The following LRP1 variants were observed in gnomAD, a reference collection of about 807,000 sequenced individuals.
LRP1 encodes the protein prolow-density lipoprotein receptor-related protein 1.
LRP1 carries 51 observed loss-of-function variants against 541.5 expected under a neutral mutation model. The ratio of observed to expected loss-of-function variants is 0.09; its 90% CI spans 0.08 to 0.12. The LOEUF is 0.12. Among genes scored for constraint, LRP1 ranks in the 10% least tolerant of loss-of-function variants. The probability of loss-of-function intolerance (pLI) is 1.00; values close to 1 mark genes in which losing one functional copy is unlikely to be tolerated. For missense variants in LRP1, 3,878 were observed against 6,376.2 expected (o/e 0.61, Z 13.34); for synonymous variants, 2,219 against 2,470.8 (o/e 0.90, Z 3.02).
chr12:57,164,000 G>A (rs1389249821), intron 15 of LRP1, among the ~76,000 whole-genome samples: 2 of 152,010 alleles, frequency 1.3e-5, no homozygotes, highest in Non-Finnish European at 2.9e-5. Flanking sequence ...GTGAAACCCC[G>A]TTTCTACTAA....
chr12:57,150,018 A>G, intron 6 of LRP1: 1 of 476,292 alleles, frequency 2.1e-6, no homozygotes, highest in East Asian at 3.6e-5. Flanking sequence ...CTCTAGAACA[A>G]CAGACTCAGT....
At chr12:57,208,477 G>T in intron 77 of LRP1, 1 of 593,614 alleles carries the variant, frequency 1.7e-6, no homozygotes, top group Non-Finnish European at 3.0e-6. Context: ...ACTCTGCCCT[G>T]GGGAACAGCT....
intron 22 of LRP1, among the ~76,000 whole-genome samples, chr12:57,175,244 T>C (rs975340857): frequency 3.3e-5 from 5 of 152,096 alleles, no homozygotes; most frequent in African/African-American, 1.2e-4. Flanking sequence ...TGCCAGCTGG[T>C]GGGTGCAAGG....
In LRP1 at chr12:57,203,230, C is replaced by T. The variant is rs760940848; in HGVS notation, c.10761C>T (p.Cys3587=). 5 of 1,611,070 alleles carry T rather than the reference C, an allele frequency of 3.1e-6. No individual in the cohort carries two copies. Among genetic ancestry groups the T allele is most frequent in the Non-Finnish European group, 4.2e-6 (5 of 1,178,712 alleles). ...AGTTCTCCTGTGCCAACGGCCGCTGCATCGCGGGGCGCTGGAAATGCGATG... is the reference window on the plus strand; with the variant it reads ...AGTTCTCCTGTGCCAACGGCCGCTGTATCGCGGGGCGCTGGAAATGCGATG... ...ESEFSCANGR[C]IAGRWKCDGD... The change falls in exon 69 of 89, where the codon TGC becomes TGT. Residue 3587 remains cysteine (C), a synonymous_variant. Coordinates refer to ENST00000243077, the MANE Select transcript of LRP1 (RefSeq NM_002332.3).
Position 57,197,523 on chromosome 12 carries a change from G to A in LRP1, c.9163-22G>A, listed in dbSNP as rs1234735181. ...CCTGTTGCCACAACCGACTTCTGCT[G>A]TCCTTCACTCCCCAAATCCAGGGCC... On this transcript the variant is annotated intron_variant, in intron 57 of 88. Coordinates refer to ENST00000243077, the MANE Select transcript of LRP1 (RefSeq NM_002332.3). The surrounding 1 kb of genome is among the most constrained non-coding windows in gnomAD (Gnocchi z 4.5). 1 of 1,613,994 alleles carries A rather than the reference G, an allele frequency of 6.2e-7. No homozygotes were observed. The highest frequency in any genetic ancestry group is 2.2e-5 in the East Asian group (1 of 44,870).
chr12:57,186,323 G>A (rs1331587552), intron 41 of LRP1, among the ~76,000 whole-genome samples: 2 of 152,240 alleles, frequency 1.3e-5, no homozygotes, highest in African/African-American at 2.4e-5. Context: ...GCGCAGGAAG[G>A]CTTAGCTCAG....
At position 57,202,201 on chromosome 12, in the gene LRP1, C is replaced by T. The variant is rs7978567; in HGVS notation, c.10595-220C>T. On this transcript the variant is annotated intron_variant, in intron 67 of 88. Coordinates refer to ENST00000243077, the MANE Select transcript of LRP1 (RefSeq NM_002332.3). ...CCCTATGGGATCTGTTCATCTCCTT[C>T]CCAAGGCAGCTGCCCACACACACAC... Among the ~76,000 whole-genome samples the T allele has an allele frequency of 0.39, 58,720 of 151,740 alleles. 11,971 individuals carry two copies. The highest frequency in any genetic ancestry group is 0.52 in the African/African-American group (21,326 of 41,312).
At position 57,177,950 on chromosome 12, in the gene LRP1, T is replaced by C. The variant is rs1476606899; in HGVS notation, c.4361+359T>C. Among the ~76,000 whole-genome samples the C allele has an allele frequency of 6.8e-6, 1 of 146,482 alleles. No homozygotes were observed. On this transcript the variant is annotated intron_variant, in intron 26 of 88. Coordinates refer to ENST00000243077, the MANE Select transcript of LRP1 (RefSeq NM_002332.3). This position sits in a 1 kb window ranked among gnomAD's most constrained non-coding sequence, Gnocchi z 6.8. ...AGGGAGGGTGCCTTTTTCTTTTCTT[T>C]TTTTTTTTTTTTTTTTGAGACAGAG...
Position 57,199,493 on chromosome 12 carries a change from G to A in LRP1, c.9865+93G>A, listed in dbSNP as rs74429938. On this transcript the variant is annotated intron_variant, in intron 61 of 88. Coordinates refer to ENST00000243077, the MANE Select transcript of LRP1 (RefSeq NM_002332.3). ...TCATCCCTTCTCTAGCATTGACCAAGCCCTCCTGGCCAGACACTGGGAGAC... is the reference window on the plus strand; with the variant it reads ...TCATCCCTTCTCTAGCATTGACCAAACCCTCCTGGCCAGACACTGGGAGAC... 5.1e-4 allele frequency: 698 copies of A among 1,362,632 alleles called. 13 individuals are homozygous for A. In the East Asian group the frequency reaches 0.016, roughly 32 times the overall value. The allele number at this position is 1,362,632 out of a possible 1,614,324, so 84.4% of individuals were successfully genotyped here.
chr12:57,152,165 C>T (rs1469587834), intron 6 of LRP1, among the ~76,000 whole-genome samples: 4 of 152,090 alleles, frequency 2.6e-5, no homozygotes, highest in Admixed American at 2.0e-4. Flanking sequence ...CCTGGGATAG[C>T]GGCATCAGAT....
chr12:57,159,985 T>A lies in LRP1; in HGVS notation c.1959T>A (p.Ile653=), dbSNP rs772701962. The change falls in exon 12 of 89, where the codon ATT becomes ATA. Residue 653 remains isoleucine (I), a synonymous_variant. Transcript: ENST00000243077. ...GCAAAATGACACACCCCAGGGCTAT[T>A]GTGGTGGATCCACTCAATGGGTGAG... ...IEGKMTHPRA[I]VVDPLNGWMY... is the part of the protein sequence containing the mutation. 1.2e-5 allele frequency: 20 copies of A among 1,614,104 alleles called. No homozygotes were observed. Among genetic ancestry groups the A allele is most frequent in the Non-Finnish European group, 1.6e-5 (19 of 1,180,008 alleles).
rs781520320 is a variant in LRP1, at chr12:57,177,641, G to A, written c.4361+50G>A. Reference sequence around the variant, plus strand: ...AGGCCCAAGTCTGTGGCACCAGGACGGGGTGGGGAGGAACCTGTGGTGATG... The same window carrying A: ...AGGCCCAAGTCTGTGGCACCAGGACAGGGTGGGGAGGAACCTGTGGTGATG... On this transcript the variant is annotated intron_variant, in intron 26 of 88. Transcript: ENST00000243077. The surrounding 1 kb of genome is among the most constrained non-coding windows in gnomAD (Gnocchi z 6.8). 7.5e-6 allele frequency: 12 copies of A among 1,595,074 alleles called. No individual in the cohort carries two copies. The Admixed American group carries it at 1.0e-4, about 14-fold the overall frequency.
In LRP1 at chr12:57,178,011, C is replaced by T. The variant is rs1020277714; in HGVS notation, c.4362-348C>T. ...TCGCCCAGGCTGGAGTGCAGTGGCG[C>T]GATCTCGGCTCACTGCAGGCTCCGC... On this transcript the variant is annotated intron_variant, in intron 26 of 88. Transcript: ENST00000243077. The surrounding 1 kb of genome is among the most constrained non-coding windows in gnomAD (Gnocchi z 5.8). Among the ~76,000 whole-genome samples the T allele has an allele frequency of 6.7e-6, 1 of 148,922 alleles. No homozygotes were observed. The highest frequency in any genetic ancestry group is 2.5e-5 in the African/African-American group (1 of 40,018).
Position 57,184,294 on chromosome 12 carries a change from G to T in LRP1, c.6060-32G>T. On this transcript the variant is annotated intron_variant, in intron 37 of 88. Transcript: ENST00000243077. The surrounding 1 kb of genome is among the most constrained non-coding windows in gnomAD (Gnocchi z 7.8). ...GGCCCTGTCTCCTCCAGGGTCTGAG[G>T]ACTGACCCCCACTTCCACCCCCACC... The T allele has an allele frequency of 6.2e-7, 1 of 1,614,128 alleles. No homozygotes were observed. The highest frequency in any genetic ancestry group is 8.5e-7 in the Non-Finnish European group (1 of 1,180,006).
At chr12:57,175,430 G>A in intron 22 of LRP1, 30 bp from the exon 23 acceptor site, 1 of 1,610,016 alleles carries the variant, frequency 6.2e-7, no homozygotes, top group Non-Finnish European at 8.5e-7. Flanking sequence ...TTCTGACCCT[G>A]GGTCTGTTCC....
chr12:57,183,696 C>A lies in LRP1; in HGVS notation c.5795-79C>A. On this transcript the variant is annotated intron_variant, in intron 35 of 88. Transcript: ENST00000243077. The surrounding 1 kb of genome is among the most constrained non-coding windows in gnomAD (Gnocchi z 6.1). Reference sequence around the variant, plus strand: ...CCCTCCGGCACTCTCTCACCTCTGTCTTGAGCCTTGTGAGATTTTGACCCC... The same window carrying A: ...CCCTCCGGCACTCTCTCACCTCTGTATTGAGCCTTGTGAGATTTTGACCCC... 6.3e-7 allele frequency: 1 copy of A among 1,585,134 alleles called. No individual in the cohort carries two copies. The highest frequency in any genetic ancestry group is 1.1e-5 in the South Asian group (1 of 88,046).
rs2036766115 is a variant in LRP1 at position 57,205,810 on chromosome 12, A to G, written c.11590+133A>G. ...CAAGAAGCCCCAGACTCATAGTTGCAGCTGCCTGAGCACAGTGCTGGCCCA... is the reference window on the plus strand; with the variant it reads ...CAAGAAGCCCCAGACTCATAGTTGCGGCTGCCTGAGCACAGTGCTGGCCCA... On this transcript the variant is annotated intron_variant, in intron 75 of 88. Transcript: ENST00000243077. This position sits in a 1 kb window ranked among gnomAD's most constrained non-coding sequence, Gnocchi z 4.6. The G allele has an allele frequency of 1.5e-6, 2 of 1,337,750 alleles. No homozygotes were observed. The highest frequency in any genetic ancestry group is 1.5e-5 in the African/African-American group (1 of 68,954). 82.9% of individuals were successfully genotyped at this position (1,337,750 alleles called of 1,614,324 possible). A position where few individuals can be genotyped will look rare whatever the true frequency, so the allele number is the denominator to read the frequency against.
At position 57,177,511 on chromosome 12, in the gene LRP1, C is replaced by T. The variant is rs778958002; in HGVS notation, c.4281C>T (p.His1427=). 1 of 1,613,862 alleles carries T rather than the reference C, an allele frequency of 6.2e-7. No individual in the cohort carries two copies. Among genetic ancestry groups the T allele is most frequent in the East Asian group, 2.2e-5 (1 of 44,892 alleles). Residue 1427 remains histidine, a synonymous_variant, in exon 26 of 89, where the codon CAC becomes CAT. Coordinates refer to ENST00000243077, the MANE Select transcript of LRP1 (RefSeq NM_002332.3). This position sits in a 1 kb window ranked among gnomAD's most constrained non-coding sequence, Gnocchi z 6.8. Reference sequence around the variant, plus strand: ...GTGGGGCTGGGCGCCGCACCGTGCACCGGGAGACCGGCTCTGGGGGCTGGC... The same window carrying T: ...GTGGGGCTGGGCGCCGCACCGTGCATCGGGAGACCGGCTCTGGGGGCTGGC... The part of the protein sequence containing the change: ...SMSGAGRRTV[H]RETGSGGWPN...
chr12:57,207,581 G>T lies in LRP1; in HGVS notation c.11860-457G>T, dbSNP rs79613418. On this transcript the variant is annotated intron_variant, in intron 76 of 88. Transcript: ENST00000243077. ...CAAAAGGGCAGTGCGAGGGGCAAAG[G>T]TTGAGAGTGGGGCAGGGGGCAGTCT... Among the ~76,000 whole-genome samples, 426 of 152,226 alleles carry T rather than the reference G, an allele frequency of 2.8e-3. 1 individual carries two copies. The highest frequency in any genetic ancestry group is 1.0e-2 in the African/African-American group (414 of 41,568).
Sources: gnomAD v4.1 joint callset for allele counts (sites outside exome capture counted in the v4.1 genomes callset) on GRCh38, gnomAD v4.1.1 for gene constraint, Gnocchi (gnomAD v3.1) non-coding constraint, MANE v1.5 for transcripts, NCBI Gene and HGNC (gene_info 2026-07-23, HGNC 2026-07-21) for gene names.